APBB2: variants seen among roughly 807,000 people sequenced by gnomAD.
The protein encoded by APBB2 is Fe65-like 1.
APBB2 carries 38 observed loss-of-function variants against 82.5 expected under a neutral mutation model. The ratio of observed to expected loss-of-function variants is 0.46; its 90% CI spans 0.36 to 0.60. The LOEUF is 0.60. Ranked by LOEUF, APBB2 falls within the 20% of genes least tolerant of loss-of-function variation. The pLI is 0.00. For synonymous variants in APBB2, 341 were observed against 368.2 expected (o/e 0.93, Z 0.85); for missense variants, 772 against 972.3 (o/e 0.79, Z 2.74).
intron 6 of APBB2, among the ~76,000 whole-genome samples, chr4:40,993,998 A>G (rs1802892694): frequency 6.6e-6 from 1 of 152,214 alleles, no homozygotes; most frequent in Admixed American, 6.5e-5. Context: ...TTAAAGAAAC[A>G]CCTAGGAGAG....
At chr4:41,021,183 G>C (rs555998466) in intron 5 of APBB2, among the ~76,000 whole-genome samples, 2 of 152,292 alleles carry the variant, frequency 1.3e-5, no homozygotes, top group East Asian at 3.9e-4. Context: ...CTTCTACCGA[G>C]GACCCCTGAA....
At chr4:41,028,563 C>T (rs1249202777) in intron 5 of APBB2, among the ~76,000 whole-genome samples, 6 of 152,170 alleles carry the variant, frequency 3.9e-5, no homozygotes, top group Non-Finnish European at 8.8e-5. Context: ...AGAAAATGTG[C>T]AAGCCCTAAT....
intron 12 of APBB2, among the ~76,000 whole-genome samples, chr4:40,833,881 T>C (rs1203332579): frequency 2.0e-4 from 31 of 152,268 alleles, no homozygotes; most frequent in Admixed American, 2.0e-3. Flanking sequence ...GAACAGGTCC[T>C]GGTCAATAAG....
chr4:41,176,889 A>G (rs1249786427), intron 1 of APBB2, among the ~76,000 whole-genome samples: 1 of 152,170 alleles, frequency 6.6e-6, no homozygotes, highest in Non-Finnish European at 1.5e-5. Flanking sequence ...GAAAACAGCC[A>G]GAGCATGCCT....
intron 6 of APBB2, among the ~76,000 whole-genome samples, chr4:40,991,782 A>AT (rs1272429262): frequency 6.6e-6 from 1 of 151,876 alleles, no homozygotes; most frequent in Non-Finnish European, 1.5e-5. Context: ...GTTTTCTAGG[A>AT]TTTTTTTTAG....
intron 6 of APBB2, among the ~76,000 whole-genome samples, chr4:40,960,651 G>A (rs1047128432): frequency 2.0e-5 from 3 of 151,934 alleles, no homozygotes; most frequent in Admixed American, 6.6e-5. Context: ...GTTTCACCGA[G>A]TTAGCTAGGA....
intron 1 of APBB2, among the ~76,000 whole-genome samples, chr4:41,187,761 C>CAGTA: frequency 6.6e-6 from 1 of 152,254 alleles, no homozygotes; most frequent in South Asian, 2.1e-4. Context: ...ACTGAAAGAT[C>CAGTA]CTTAAACAGA....
intron 12 of APBB2, among the ~76,000 whole-genome samples, chr4:40,847,888 C>T (rs567809281): frequency 2.0e-5 from 3 of 151,774 alleles, no homozygotes; most frequent in African/African-American, 4.8e-5. Context: ...CTTACTGCAT[C>T]CTCAAACTAC....
chr4:41,113,389 C>CATA (rs1426855354), intron 2 of APBB2, among the ~76,000 whole-genome samples: 2 of 152,154 alleles, frequency 1.3e-5, no homozygotes, highest in East Asian at 3.9e-4. Flanking sequence ...AGGTAAGAGG[C>CATA]ATAACAATGC....
At chr4:41,010,356 G>A (rs1807981707) in intron 6 of APBB2, among the ~76,000 whole-genome samples, 1 of 152,090 alleles carries the variant, frequency 6.6e-6, no homozygotes, top group Admixed American at 6.6e-5. Context: ...CTTTCAGAGA[G>A]AAAACTAAGC....
intron 1 of APBB2, among the ~76,000 whole-genome samples, chr4:41,201,983 T>C (rs1174564611): frequency 1.3e-5 from 2 of 152,204 alleles, no homozygotes; most frequent in Non-Finnish European, 2.9e-5. Flanking sequence ...GGTCTGTGAC[T>C]TCCCCGCTCC....
chr4:41,025,944 C>CAAAAAAA (rs71198626), intron 5 of APBB2, among the ~76,000 whole-genome samples: 4 of 68,242 alleles, frequency 5.9e-5, no homozygotes, highest in Non-Finnish European at 8.7e-5. Context: ...TCCATCTCCA[C>CAAAAAAA]AAAAAAAAAA....
At chr4:41,010,496 G>A (rs1021969781) in intron 6 of APBB2, among the ~76,000 whole-genome samples, 5 of 152,266 alleles carry the variant, frequency 3.3e-5, no homozygotes, top group African/African-American at 9.6e-5. Flanking sequence ...AAGTGTCACA[G>A]CAGAGGGGCC....
At chr4:41,022,817 G>C (rs1343966255) in intron 5 of APBB2, among the ~76,000 whole-genome samples, 1 of 151,252 alleles carries the variant, frequency 6.6e-6, no homozygotes, top group African/African-American at 2.4e-5. Context: ...ATTTCTGAGA[G>C]TTTCTTATTA....
intron 12 of APBB2, among the ~76,000 whole-genome samples, chr4:40,852,175 C>A (rs1759673953): frequency 6.6e-6 from 1 of 151,596 alleles, no homozygotes; most frequent in Non-Finnish European, 1.5e-5. Context: ...CATAGTGAAA[C>A]CCCGTCTCTA....
intron 2 of APBB2, among the ~76,000 whole-genome samples, chr4:41,135,352 C>A (rs562667140): frequency 1.3e-5 from 2 of 152,178 alleles, no homozygotes; most frequent in East Asian, 3.9e-4. Context: ...GCAAGCCAGA[C>A]CAATGTTGAT....
intron 6 of APBB2, among the ~76,000 whole-genome samples, chr4:40,968,164 C>T (rs905453499): frequency 6.6e-6 from 1 of 152,120 alleles, no homozygotes; most frequent in Admixed American, 6.5e-5. Context: ...CATTTTACAG[C>T]AGAAACAGAG....
intron 1 of APBB2, among the ~76,000 whole-genome samples, chr4:41,166,329 A>C (rs1215106892): frequency 6.6e-6 from 1 of 151,946 alleles, no homozygotes; most frequent in Non-Finnish European, 1.5e-5. Flanking sequence ...TGAGCCCAGG[A>C]GTTTGAAACC....
In APBB2 at chr4:40,985,236, T is replaced by C. The variant is rs149479964; in HGVS notation, c.835+28347A>G. Among the ~76,000 whole-genome samples the C allele has an allele frequency of 1.7e-3, 266 of 152,174 alleles. 1 individual carries two copies. Among genetic ancestry groups the C allele is most frequent in the African/African-American group, 6.2e-3 (258 of 41,532 alleles). On this transcript the variant is annotated intron_variant, in intron 6 of 17. Transcript: ENST00000508593. ...GCCCCAGATGACTTTAAATTTTACG[T>C]TTATCTATGTTTCCTAACTTTGTCT...
Sources: gnomAD v4.1 joint callset for allele counts (sites outside exome capture counted in the v4.1 genomes callset) on GRCh38, gnomAD v4.1.1 for gene constraint, MANE v1.5 for transcripts, NCBI Gene and HGNC (gene_info 2026-07-23, HGNC 2026-07-21) for gene names.